Variants in TIAM1 observed in about 807,000 individuals in gnomAD.
The protein encoded by TIAM1 is rho guanine nucleotide exchange factor TIAM1.
Under a neutral mutation model 163.5 loss-of-function variants are expected in TIAM1, and 65 were observed. The observed-to-expected ratio is 0.40, with a 90% CI of 0.33 to 0.49. TIAM1 has a LOEUF of 0.49. TIAM1 is among the 20% of genes least tolerant of loss of function. TIAM1 has a pLI of 0.77. For missense variants in TIAM1, 1,789 were observed against 2,044.7 expected, an observed-to-expected ratio of 0.87 and a Z score of 2.41; for synonymous variants, 833 against 810.1, an observed-to-expected ratio of 1.03 and a Z score of -0.48.
At chr21:31,236,195 T>G (rs1297231050) in intron 6 of TIAM1, among the ~76,000 whole-genome samples, 4 of 152,166 alleles carry the variant, frequency 2.6e-5, no homozygotes, top group Non-Finnish European at 5.9e-5. Flanking sequence ...TTTCACCAGA[T>G]TGCTTGAGAT....
rs377024360 is a variant in TIAM1 at position 31,242,699 on chromosome 21, C to T, written c.1584+2789G>A. ...GAGACCTGGCAATTTATGAGACATGCAAATAAACAATAAACAACAATAAAG... is the reference window on the plus strand; with the variant it reads ...GAGACCTGGCAATTTATGAGACATGTAAATAAACAATAAACAACAATAAAG... On this transcript the variant is annotated intron_variant, in intron 6 of 27. Transcript: ENST00000541036. Among the ~76,000 whole-genome samples, 12 of 151,864 alleles carry T rather than the reference C, an allele frequency of 7.9e-5. No homozygotes were observed. The South Asian group carries it at 2.5e-3, about 32-fold the overall frequency.
intron 13 of TIAM1, among the ~76,000 whole-genome samples, chr21:31,191,934 A>T (rs1428361859): frequency 6.6e-6 from 1 of 152,202 alleles, no homozygotes; most frequent in Non-Finnish European, 1.5e-5. Flanking sequence ...ATCCTTACTC[A>T]ACAAAAATTA....
At chr21:31,536,392 G>A (rs2048135226) in intron 1 of TIAM1, among the ~76,000 whole-genome samples, 2 of 152,170 alleles carry the variant, frequency 1.3e-5, no homozygotes, top group Admixed American at 6.5e-5. Context: ...AGCGCATGCT[G>A]TGCTTGTGAA....
chr21:31,134,331 C>A (rs2146249409), intron 23 of TIAM1, among the ~76,000 whole-genome samples: 1 of 152,234 alleles, frequency 6.6e-6, no homozygotes, highest in South Asian at 2.1e-4. Flanking sequence ...AGATCCCAGA[C>A]TCCTCCAAGA....
At chr21:31,443,715 C>T (rs188928832) in intron 2 of TIAM1, among the ~76,000 whole-genome samples, 1 of 152,208 alleles carries the variant, frequency 6.6e-6, no homozygotes, top group Non-Finnish European at 1.5e-5. Flanking sequence ...AATATAATTT[C>T]TGATGTTTAT....
chr21:31,516,760 A>T (rs902998064), intron 1 of TIAM1, among the ~76,000 whole-genome samples: 4 of 152,032 alleles, frequency 2.6e-5, no homozygotes, highest in Admixed American at 2.6e-4. Context: ...ATCCTTAGAA[A>T]TATAATGAAT....
At chr21:31,152,085 A>G (rs371700887) in intron 19 of TIAM1, among the ~76,000 whole-genome samples, 1 of 132,556 alleles carries the variant, frequency 7.5e-6, no homozygotes, top group Non-Finnish European at 1.5e-5. Context: ...CAGACTGGAG[A>G]GCAGTGCTGC....
rs2073817970 is a variant in TIAM1, at chr21:31,286,575, T to C, written c.-188-9667A>G. On this transcript the variant is annotated intron_variant, in intron 2 of 27. Coordinates refer to ENST00000541036, the MANE Select transcript of TIAM1 (RefSeq NM_001353694.2). ...ATTAAAAAAAAAAATTAGTCAGGTG[T>C]GGTGGCATGCACCTGTAGTCCCAGC... Among the ~76,000 whole-genome samples, 5 of 151,476 alleles carry C rather than the reference T, an allele frequency of 3.3e-5. No individual in the cohort carries two copies. In the South Asian group the frequency reaches 1.0e-3, roughly 32 times the overall value.
intron 1 of TIAM1, among the ~76,000 whole-genome samples, chr21:31,529,821 G>A (rs917627388): frequency 4.6e-5 from 7 of 152,162 alleles, no homozygotes; most frequent in African/African-American, 1.7e-4. Flanking sequence ...TTCCTCTCGA[G>A]GGAAGGTCCG....
intron 7 of TIAM1, 91 bp from the exon 8 acceptor site, chr21:31,223,682 A>C (rs2146624706): frequency 7.6e-7 from 1 of 1,307,550 alleles, no homozygotes; most frequent in Middle Eastern, 1.9e-4. Context: ...TATGTCGTAA[A>C]GGCATTCATT....
chr21:31,129,417 G>A (rs765090876), intron 25 of TIAM1, among the ~76,000 whole-genome samples: 6 of 152,208 alleles, frequency 3.9e-5, no homozygotes, highest in Admixed American at 1.3e-4. Flanking sequence ...GGCAGCTCAC[G>A]TCTGTAATCC....
chr21:31,433,129 A>G (rs1386766026), intron 2 of TIAM1, among the ~76,000 whole-genome samples: 2 of 152,234 alleles, frequency 1.3e-5, no homozygotes, highest in African/African-American at 2.4e-5. Context: ...TAAATAACCA[A>G]TTGAAGCAAT....
intron 2 of TIAM1, among the ~76,000 whole-genome samples, chr21:31,336,834 C>T (rs2075857345): frequency 6.6e-6 from 1 of 152,144 alleles, no homozygotes. Context: ...CGGCAGAGAG[C>T]AGGCAGGAGG....
At chr21:31,360,548 T>C (rs2076390981) in intron 2 of TIAM1, among the ~76,000 whole-genome samples, 1 of 152,108 alleles carries the variant, frequency 6.6e-6, no homozygotes, top group Non-Finnish European at 1.5e-5. Context: ...TCATTCTGAC[T>C]ACATTCCAGG....
Position 31,451,385 on chromosome 21 carries a change from G to A in TIAM1, c.-369+12598C>T, listed in dbSNP as rs182269848. ...TTTTTAAATTCAGATAATTCACCCC[G>A]CATTACTTTTATAGATGTATATATA... On this transcript the variant is annotated intron_variant, in intron 2 of 28. Coordinates refer to the TIAM1 transcript ENST00000286827. 4.0e-4 allele frequency among the ~76,000 whole-genome samples: 61 copies of A among 152,148 alleles called. 2 individuals are homozygous for A. The highest frequency in any genetic ancestry group is 2.9e-3 in the South Asian group (14 of 4,804).
chr21:31,454,964 C>T (rs1349105968), intron 2 of TIAM1, among the ~76,000 whole-genome samples: 1 of 152,048 alleles, frequency 6.6e-6, no homozygotes, highest in East Asian at 1.9e-4. Context: ...GCTGGTTCCC[C>T]TGCTGGGGCA....
chr21:31,406,880 T>G (rs375601434), intron 2 of TIAM1, among the ~76,000 whole-genome samples: 213 of 152,284 alleles, frequency 1.4e-3, no homozygotes, highest in African/African-American at 4.7e-3. Context: ...TAGATGAGTT[T>G]TTTAAGTTCT....
At chr21:31,481,152 G>A (rs905420143) in intron 1 of TIAM1, among the ~76,000 whole-genome samples, 1 of 152,104 alleles carries the variant, frequency 6.6e-6, no homozygotes, top group African/African-American at 2.4e-5. Context: ...CTTGGCTTGT[G>A]GACAGCCACC....
intron 2 of TIAM1, among the ~76,000 whole-genome samples, chr21:31,423,300 A>G (rs1431541233): frequency 6.6e-6 from 1 of 151,790 alleles, no homozygotes; most frequent in Non-Finnish European, 1.5e-5. Flanking sequence ...GGGTTTCACC[A>G]TGTTAGCCAG....
Sources: gnomAD v4.1 joint callset for allele counts (sites outside exome capture counted in the v4.1 genomes callset) on GRCh38, gnomAD v4.1.1 for gene constraint, MANE v1.5 for transcripts, NCBI Gene and HGNC (gene_info 2026-07-23, HGNC 2026-07-21) for gene names.